Variants in HMG20A observed in about 807,000 individuals in gnomAD.
The protein encoded by HMG20A is high mobility group 20A, also known as high mobility group protein 20A.
Under a neutral mutation model 43.9 loss-of-function variants are expected in HMG20A, and 17 were observed. The observed-to-expected ratio is 0.39, with a 90% confidence interval of 0.27 to 0.58. The LOEUF (loss-of-function observed/expected upper bound fraction) is 0.58, where lower values mean the gene tolerates loss of function less well. Among genes scored for constraint, HMG20A ranks in the 20% least tolerant of loss-of-function variants. HMG20A has a pLI of 0.59. For synonymous variants in HMG20A, 132 were observed against 147.5 expected, an observed-to-expected ratio of 0.89 and a Z score of 0.76; for missense variants, 341 against 438.2, an observed-to-expected ratio of 0.78 and a Z score of 1.98.
chr15:77,508,171 A>G, the HMG20A span, among the ~76,000 whole-genome samples: 1 of 152,202 alleles, frequency 6.6e-6, no homozygotes, highest in Non-Finnish European at 1.5e-5. Flanking sequence ...CAGAGGGCCC[A>G]TCTTAGGCTG....
At chr15:77,454,055 A>C (rs966101551) in intron 1 of HMG20A, among the ~76,000 whole-genome samples, 6 of 151,692 alleles carry the variant, frequency 4.0e-5, no homozygotes, top group African/African-American at 1.2e-4. Context: ...CTAGCTACTC[A>C]GGAGGCTGAG....
downstream of HMG20A, among the ~76,000 whole-genome samples, chr15:77,486,585 A>G (rs2072946758): frequency 6.6e-6 from 1 of 152,164 alleles, no homozygotes; most frequent in Admixed American, 6.5e-5. Context: ...AAAATAACTA[A>G]TCAAAATATT....
chr15:77,464,080 C>T (rs1043204254), intron 2 of HMG20A, among the ~76,000 whole-genome samples, 160 bp from the exon 3 acceptor site: 1 of 152,120 alleles, frequency 6.6e-6, no homozygotes, highest in Admixed American at 6.5e-5. Flanking sequence ...TTTTTTAAAA[C>T]GCCCTGTAAC....
At chr15:77,479,663 G>T in intron 9 of HMG20A, 1 of 172,720 alleles carries the variant, frequency 5.8e-6, no homozygotes, top group Non-Finnish European at 1.2e-5. Flanking sequence ...TGGTTTTTGT[G>T]GCTTGACCTC....
intron 3 of HMG20A, chr15:77,464,793 G>A (rs80131604): frequency 2.5e-5 from 4 of 156,986 alleles, no homozygotes; most frequent in Admixed American, 1.2e-4. Flanking sequence ...CCTCCCATAG[G>A]GGGTAACTTT....
chr15:77,484,542 A>C lies in HMG20A; in HGVS notation c.*1579A>C, dbSNP rs139827665. On this transcript the variant is annotated 3_prime_UTR_variant, in exon 10 of 10. Coordinates refer to ENST00000336216, the MANE Select transcript of HMG20A (RefSeq NM_001304504.2). ...TGTTGCTACACCATCCTGTCTTCTC[A>C]GCATCTCCTTGCCTGTTTTCTTTAT... 637 of 152,512 alleles carry C rather than the reference A, an allele frequency of 4.2e-3. 6 individuals are homozygous for C. Among genetic ancestry groups the C allele is most frequent in the African/African-American group, 0.015 (605 of 41,572 alleles). 9.4% of individuals were successfully genotyped at this position (152,512 alleles called of 1,614,324 possible).
rs2072802423 is a variant in HMG20A, at chr15:77,470,981, G to A, written c.522G>A (p.Glu174=). 6.2e-6 allele frequency: 10 copies of A among 1,613,106 alleles called. No individual in the cohort carries two copies. The highest frequency in any genetic ancestry group is 8.5e-6 in the Non-Finnish European group (10 of 1,179,620). Residue 174 remains glutamate (E), a synonymous_variant, in exon 5 of 10, where the codon GAG becomes GAA. Coordinates refer to ENST00000336216, the MANE Select transcript of HMG20A (RefSeq NM_001304504.2). ...AACTGGAACAGTATCAGAAAACAGA[G>A]GCCTACAAGGTCTTCAGTAGGAAAA... ...MKELEQYQKT[E]AYKVFSRKTQ... is the part of the protein sequence containing the mutation.
intron 1 of HMG20A, 83 bp from the exon 2 acceptor site, chr15:77,458,321 A>C: frequency 1.2e-6 from 1 of 862,226 alleles, no homozygotes; most frequent in Non-Finnish European, 1.9e-6. Context: ...GATAAAGTTC[A>C]AGAAGGCTGG....
At chr15:77,423,001 G>A (rs2073387028) in intron 1 of HMG20A, among the ~76,000 whole-genome samples, 1 of 152,134 alleles carries the variant, frequency 6.6e-6, no homozygotes, top group Admixed American at 6.5e-5. Flanking sequence ...TGGAAAGATT[G>A]TAGAACTAAA....
At chr15:77,472,725 G>T (rs2072821315) in intron 6 of HMG20A, among the ~76,000 whole-genome samples, 1 of 152,200 alleles carries the variant, frequency 6.6e-6, no homozygotes, top group Admixed American at 6.5e-5. Context: ...TGTGTGTGTT[G>T]TTTCAAATTC....
intron 9 of HMG20A, chr15:77,479,585 A>G (rs2072888627): frequency 3.0e-5 from 9 of 300,272 alleles, no homozygotes; most frequent in Non-Finnish European, 5.5e-5. Flanking sequence ...GTCTCTAAAA[A>G]TAAAAGAAAA....
At chr15:77,444,762 T>C (rs1045112142) in intron 1 of HMG20A, among the ~76,000 whole-genome samples, 2 of 152,238 alleles carry the variant, frequency 1.3e-5, no homozygotes, top group South Asian at 2.1e-4. Flanking sequence ...AGCATTGTTA[T>C]TAGGTTTCAA....
the HMG20A span, among the ~76,000 whole-genome samples, chr15:77,509,326 T>C: frequency 2.6e-5 from 4 of 151,944 alleles, no homozygotes; most frequent in Non-Finnish European, 5.9e-5. Context: ...TGGTCATGGC[T>C]CACTGCAGCC....
the HMG20A span, among the ~76,000 whole-genome samples, chr15:77,504,777 G>A: frequency 7.9e-5 from 12 of 152,186 alleles, no homozygotes; most frequent in African/African-American, 2.6e-4. Context: ...CAAATGGGGG[G>A]ATGCAAAGGG....
At chr15:77,454,095 G>A (rs1305873860) in intron 1 of HMG20A, among the ~76,000 whole-genome samples, 1 of 151,352 alleles carries the variant, frequency 6.6e-6, no homozygotes, top group Non-Finnish European at 1.5e-5. Context: ...CAAGCAGTTT[G>A]AGGCATCAGT....
At chr15:77,471,267 C>A (rs1025327543) in intron 5 of HMG20A, among the ~76,000 whole-genome samples, 8 of 152,074 alleles carry the variant, frequency 5.3e-5, no homozygotes, top group African/African-American at 1.9e-4. Context: ...TTGACTTGTC[C>A]TCCGAGACCC....
At chr15:77,495,897 A>G in the HMG20A span, among the ~76,000 whole-genome samples, 4 of 151,994 alleles carry the variant, frequency 2.6e-5, no homozygotes. Context: ...TCCTTCCCCC[A>G]CTGCAGCCCT....
chr15:77,458,157 C>T, intron 1 of HMG20A: 1 of 309,964 alleles, frequency 3.2e-6, no homozygotes, highest in Non-Finnish European at 6.0e-6. Context: ...AGGAATTTTC[C>T]AAACCACATC....
At chr15:77,500,156 A>G in the HMG20A span, among the ~76,000 whole-genome samples, 1 of 152,200 alleles carries the variant, frequency 6.6e-6, no homozygotes, top group African/African-American at 2.4e-5. Flanking sequence ...AAATGAGATC[A>G]TAGTTGTGGT....
Sources: gnomAD v4.1 joint callset for allele counts (sites outside exome capture counted in the v4.1 genomes callset) on GRCh38, gnomAD v4.1.1 for gene constraint, MANE v1.5 for transcripts, NCBI Gene and HGNC (gene_info 2026-07-23, HGNC 2026-07-21) for gene names.